Variants in SLC30A10 observed in about 807,000 individuals in gnomAD.
SLC30A10 encodes the protein solute carrier family 30 member 10.
A neutral mutation model predicts 21.7 loss-of-function variants in SLC30A10; 8 were observed. The observed-to-expected ratio is 0.37, with a 90% CI of 0.22 to 0.67. The LOEUF (loss-of-function observed/expected upper bound fraction) is 0.67. Among genes scored for constraint, SLC30A10 ranks in the 30% least tolerant of loss-of-function variants. SLC30A10 has a pLI of 0.58. For missense variants in SLC30A10, 521 were observed against 642.5 expected (o/e 0.81, Z 2.04); for synonymous variants, 272 against 279.4 (o/e 0.97, Z 0.26).
chr1:219,915,193 T>G lies in SLC30A10; in HGVS notation c.*256A>C, dbSNP rs535580387. The G allele has an allele frequency of 2.3e-4, 114 of 504,374 alleles. No homozygotes were observed. The highest frequency in any genetic ancestry group is 3.8e-4 in the Non-Finnish European group (107 of 278,956). The allele number at this position is 504,374 out of a possible 1,614,324, so 31.2% of individuals were successfully genotyped here. ...TCCCTGATATATACACTAGTGCAGT[T>G]TGCTTTAGAAAATGCATGTTCAAGC... On this transcript the variant is annotated 3_prime_UTR_variant, in exon 4 of 4. Coordinates refer to ENST00000366926, the MANE Select transcript of SLC30A10 (RefSeq NM_018713.3).
chr1:219,922,177 T>TGTG (rs1194378922), intron 2 of SLC30A10, among the ~76,000 whole-genome samples: 2 of 29,370 alleles, frequency 6.8e-5, no homozygotes, highest in African/African-American at 1.4e-4. Flanking sequence ...TGTGTGTGTG[T>TGTG]TTTTTTTTTT....
chr1:219,926,004 A>G (rs114860615), intron 2 of SLC30A10, among the ~76,000 whole-genome samples: 3,621 of 152,164 alleles, frequency 0.024, 127 homozygotes, highest in African/African-American at 0.079. Flanking sequence ...AGAGAGATAA[A>G]GGATGATTTT....
chr1:219,915,988 T>A, intron 3 of SLC30A10, 40 bp from the exon 4 acceptor site: 1 of 1,583,022 alleles, frequency 6.3e-7, no homozygotes, highest in East Asian at 2.2e-5. Context: ...AGGTGAGCGC[T>A]GCATTTGAAA....
At chr1:219,925,651 A>ATATATTT (rs1317554458) in intron 2 of SLC30A10, among the ~76,000 whole-genome samples, 1 of 48,284 alleles carries the variant, frequency 2.1e-5, no homozygotes, top group African/African-American at 1.2e-4. Context: ...ATATATATAT[A>ATATATTT]TTTTTTTTTT....
At chr1:219,937,279 AT>A (rs1660059245) in intron 1 of SLC30A10, among the ~76,000 whole-genome samples, 3 of 152,050 alleles carry the variant, frequency 2.0e-5, no homozygotes, top group Admixed American at 2.0e-4. Context: ...TTCTTTCTTT[AT>A]TTTTGATATT....
intron 1 of SLC30A10, among the ~76,000 whole-genome samples, chr1:219,936,491 A>G (rs934137706): frequency 2.0e-5 from 3 of 152,184 alleles, no homozygotes; most frequent in Admixed American, 2.0e-4. Flanking sequence ...CCCCTTGGAT[A>G]CAGAGGTAGG....
In SLC30A10 at chr1:219,910,507, C is replaced by T. The variant is rs553348591; in HGVS notation, c.*4942G>A. ...CATCTTTGAAAGGTATGCTCATGTA[C>T]ATACATTACTGGGGGATTCACATGC... On this transcript the variant is annotated 3_prime_UTR_variant, in exon 4 of 4. Transcript: ENST00000366926. Among the ~76,000 whole-genome samples the T allele has an allele frequency of 6.6e-6, 1 of 152,156 alleles. No individual in the cohort carries two copies. The highest frequency in any genetic ancestry group is 1.5e-5 in the Non-Finnish European group (1 of 68,038).
At chr1:219,922,176 G>GTTTTTTTTTTTTTT (rs869249213) in intron 2 of SLC30A10, among the ~76,000 whole-genome samples, 8 of 36,404 alleles carry the variant, frequency 2.2e-4, no homozygotes, top group Admixed American at 3.7e-4. Flanking sequence ...GTGTGTGTGT[G>GTTTTTTTTTTTTTT]TTTTTTTTTT....
intron 1 of SLC30A10, among the ~76,000 whole-genome samples, chr1:219,942,432 A>G (rs1302045107): frequency 6.6e-6 from 1 of 152,162 alleles, no homozygotes; most frequent in African/African-American, 2.4e-5. Context: ...AATCAAATAA[A>G]CAAACAAAAA....
rs1660186600 is a variant in SLC30A10 at position 219,946,387 on chromosome 1, C to A, written n.80+12181G>T. ...CAGTGGTTGATATTGGGAGCACAAG[C>A]TTTATGGAAATGCAGCAGTACAGTC... On this transcript the variant is annotated intron_variant and non_coding_transcript_variant, in intron 1 of 8. Coordinates refer to the SLC30A10 transcript ENST00000484239. Among the ~76,000 whole-genome samples, 3 of 152,282 alleles carry A rather than the reference C, an allele frequency of 2.0e-5. No homozygotes were observed. In the South Asian group the frequency reaches 6.2e-4, roughly 32 times the overall value.
At chr1:219,944,400 A>ACC (rs1660160154) in intron 1 of SLC30A10, among the ~76,000 whole-genome samples, 1 of 135,882 alleles carries the variant, frequency 7.4e-6, no homozygotes, top group Admixed American at 7.6e-5. Flanking sequence ...ATGAGCCGAG[A>ACC]TCGCGCCACT....
upstream of SLC30A10, among the ~76,000 whole-genome samples, chr1:219,933,175 T>A (rs1222841551): frequency 6.6e-6 from 1 of 151,976 alleles, no homozygotes; most frequent in African/African-American, 2.4e-5. Context: ...AGCTCTAATA[T>A]GAATGTAAAG....
chr1:219,944,154 A>C (rs779779467), intron 1 of SLC30A10, among the ~76,000 whole-genome samples: 2 of 147,956 alleles, frequency 1.4e-5, no homozygotes, highest in Non-Finnish European at 3.0e-5. Flanking sequence ...TTTTAAAATT[A>C]AAAAAAAAAC....
rs550277096 is a variant in SLC30A10, at chr1:219,927,939, C to T, written c.502G>A (p.Gly168Arg). 6 of 1,538,056 alleles carry T rather than the reference C, an allele frequency of 3.9e-6. No individual in the cohort carries two copies. Among genetic ancestry groups the T allele is most frequent in the Non-Finnish European group, 3.5e-6 (4 of 1,142,230 alleles). Residue 168 changes from glycine to arginine, a missense_variant, in exon 1 of 4, where the codon GGG (glycine) becomes AGG (arginine). By Grantham distance (125) the Gly-to-Arg change is moderately radical. Coordinates refer to ENST00000366926, the MANE Select transcript of SLC30A10 (RefSeq NM_018713.3). ...LAEGCVPGAF[G>R]GPQGAEDPRR... is the part of the protein sequence containing the mutation. Reference sequence around the variant, plus strand: ...GGGTCCTCCGCGCCCTGAGGCCCCCCGAAAGCGCCGGGGACACAGCCCTCC... The same window carrying T: ...GGGTCCTCCGCGCCCTGAGGCCCCCTGAAAGCGCCGGGGACACAGCCCTCC...
At chr1:219,958,029 AT>A (rs1391791592) in intron 1 of SLC30A10, among the ~76,000 whole-genome samples, 1 of 152,010 alleles carries the variant, frequency 6.6e-6, no homozygotes, top group Non-Finnish European at 1.5e-5. Context: ...TATCTTCTTT[AT>A]TTTTTCTCTC....
At chr1:219,933,399 T>A (rs1378276521), upstream of SLC30A10, among the ~76,000 whole-genome samples, 3 of 152,160 alleles carry the variant, frequency 2.0e-5, no homozygotes, top group African/African-American at 7.2e-5. Flanking sequence ...TTGAGAAAAT[T>A]TAAAAGGCAG....
rs1197530818 is a variant in SLC30A10, at chr1:219,914,778, A to AGCTGCAGTTCAGTTC, written c.*656_*670dup. On this transcript the variant is annotated 3_prime_UTR_variant, in exon 4 of 4. Coordinates refer to ENST00000366926, the MANE Select transcript of SLC30A10 (RefSeq NM_018713.3). The stretch of plus-strand genomic sequence containing the variant: ...TATTTAAGCATTTGAAACATTCTAT[A>AGCTGCAGTTCAGTTC]GCTGCAGTTCAGTTCACAGCAGAAA... 6 of 152,388 alleles carry AGCTGCAGTTCAGTTC rather than the reference A, an allele frequency of 3.9e-5. No individual in the cohort carries two copies. The highest frequency in any genetic ancestry group is 3.4e-3 in the Middle Eastern group (1 of 294). The allele number at this position is 152,388 out of a possible 1,614,324, so 9.4% of individuals were successfully genotyped here.
At position 219,910,722 on chromosome 1, in the gene SLC30A10, C is replaced by T. The variant is rs537829478; in HGVS notation, c.*4727G>A. Among the ~76,000 whole-genome samples the T allele has an allele frequency of 3.3e-5, 5 of 152,166 alleles. No individual in the cohort carries two copies. The highest frequency in any genetic ancestry group is 4.8e-5 in the African/African-American group (2 of 41,444). On this transcript the variant is annotated 3_prime_UTR_variant, in exon 4 of 4. Transcript: ENST00000366926. ...ACTCTCCCTTGAAAATCATCCTTTC[C>T]GGATTGTTCTCATTAGAGTGCAGAG... is the stretch of plus-strand genomic sequence containing the variant.
chr1:219,925,649 ATATTTT>A (rs1460094049), intron 2 of SLC30A10, among the ~76,000 whole-genome samples: 38 of 65,930 alleles, frequency 5.8e-4, no homozygotes, highest in African/African-American at 2.6e-3. Context: ...ATATATATAT[ATATTTT>A]TTTTTTTTTT....
Sources: gnomAD v4.1 joint callset for allele counts (sites outside exome capture counted in the v4.1 genomes callset) on GRCh38, gnomAD v4.1.1 for gene constraint, MANE v1.5 for transcripts, NCBI Gene and HGNC (gene_info 2026-07-23, HGNC 2026-07-21) for gene names.